The following ZNF185 variants were observed in gnomAD, a reference collection of about 807,000 sequenced individuals.
ZNF185 encodes the protein zinc finger protein 185 with LIM domain.
A neutral mutation model predicts 58.6 loss-of-function variants in ZNF185; 56 were observed. That is an observed-to-expected ratio of 0.95 (90% CI 0.77 to 1.19). ZNF185 has a LOEUF of 1.19. Among genes scored for constraint, ZNF185 ranks in the 50% most tolerant of loss-of-function variants. The probability of loss-of-function intolerance (pLI) is 0.00; values close to 1 mark genes in which losing one functional copy is unlikely to be tolerated. For synonymous variants in ZNF185, 230 were observed against 215.9 expected, an observed-to-expected ratio of 1.07 and a Z score of -0.57; for missense variants, 627 against 573.5, an observed-to-expected ratio of 1.09 and a Z score of -0.95.
chrX:152,903,998 A>G, the ZNF185 span, among the ~76,000 whole-genome samples: 1 of 112,462 alleles, frequency 8.9e-6, no homozygotes, highest in African/African-American at 3.2e-5. Flanking sequence ...TTCATGCAGA[A>G]GTCATTTACC....
intron 16 of ZNF185, among the ~76,000 whole-genome samples, chrX:152,954,803 G>A (rs2048655067): frequency 1.8e-5 from 2 of 112,024 alleles, no homozygotes; most frequent in Non-Finnish European, 3.8e-5. Context: ...GGTGCAGGAC[G>A]CAGGTACATG....
chrX:152,920,708 A>T (rs1212789229), exon 9 of ZNF185: 1 of 1,210,755 alleles, frequency 8.3e-7, no homozygotes, highest in Non-Finnish European at 1.1e-6. Context: ...CCTTTCCAGC[A>T]GTCCTACCCA....
the ZNF185 span, among the ~76,000 whole-genome samples, chrX:152,901,496 G>T: frequency 9.2e-6 from 1 of 109,113 alleles, no homozygotes. Context: ...TGTACGAATC[G>T]TGCAGAGAAC....
At chrX:152,971,814 A>G (rs1315234504) in exon 23 of ZNF185, 3 of 112,425 alleles carry the variant, frequency 2.7e-5, no homozygotes, top group Non-Finnish European at 5.6e-5. Context: ...ATTGAGTTAT[A>G]TAGCAGTTTT....
intron 11 of ZNF185, among the ~76,000 whole-genome samples, chrX:152,925,130 A>AAAAAAAT (rs1198705832): frequency 8.9e-6 from 1 of 111,908 alleles, no homozygotes; most frequent in Non-Finnish European, 1.9e-5. Context: ...CCATCTCTAC[A>AAAAAAAT]AAAAAATAAA....
intron 15 of ZNF185, among the ~76,000 whole-genome samples, chrX:152,938,514 G>C (rs782279195): frequency 5.6e-4 from 63 of 111,931 alleles, no homozygotes; most frequent in African/African-American, 2.0e-3. Context: ...GGCTGGTCCA[G>C]ATTAGAGCAA....
chrX:152,937,601 C>T (rs1278541382), intron 14 of ZNF185, among the ~76,000 whole-genome samples: 1 of 111,968 alleles, frequency 8.9e-6, no homozygotes, highest in African/African-American at 3.3e-5. Flanking sequence ...AGACATGTCC[C>T]CCATACACAG....
intron 17 of ZNF185, among the ~76,000 whole-genome samples, chrX:152,961,494 T>A (rs1434750152): frequency 9.0e-6 from 1 of 111,544 alleles, no homozygotes; most frequent in Non-Finnish European, 1.9e-5. Flanking sequence ...GCACGTGTCT[T>A]TTGAGAGCTC....
At chrX:152,900,013 G>A in the ZNF185 span, among the ~76,000 whole-genome samples, 73 of 111,834 alleles carry the variant, frequency 6.5e-4, 1 homozygote, top group East Asian at 0.02. Flanking sequence ...TGGCAGCAGT[G>A]CTTGTCCACC....
the ZNF185 span, among the ~76,000 whole-genome samples, chrX:152,904,377 G>A: frequency 1.8e-5 from 2 of 112,657 alleles, no homozygotes; most frequent in African/African-American, 6.4e-5. Flanking sequence ...CTGCAGCGGT[G>A]CCTGTGGCGG....
At chrX:152,960,754 T>C (rs2049375571) in intron 17 of ZNF185, among the ~76,000 whole-genome samples, 1 of 112,705 alleles carries the variant, frequency 8.9e-6, no homozygotes, top group African/African-American at 3.2e-5. Flanking sequence ...TTTCCAAAAA[T>C]CCATGGAAAA....
exon 1 of ZNF185, chrX:152,914,462 G>C (rs6526140): frequency 0.28 from 322,024 of 1,157,152 alleles, 33,684 homozygotes; most frequent in African/African-American, 0.34. Flanking sequence ...GCTGAATCAA[G>C]TGAGAGGAGA....
intron 7 of ZNF185, among the ~76,000 whole-genome samples, chrX:152,919,452 A>ATCTGCATGCCTTGGGGGT (rs1381737807): frequency 2.7e-5 from 3 of 111,510 alleles, no homozygotes; most frequent in African/African-American, 9.8e-5. Flanking sequence ...TATCTGCATG[A>ATCTGCATGCCTTGGGGGT]TCTGCATGCC....
the ZNF185 span, among the ~76,000 whole-genome samples, chrX:152,904,688 A>G: frequency 3.6e-5 from 4 of 112,021 alleles, no homozygotes; most frequent in South Asian, 1.5e-3. Context: ...TCCTGACTTT[A>G]TAATTCCTCA....
intron 15 of ZNF185, among the ~76,000 whole-genome samples, chrX:152,944,329 C>T (rs180703795): frequency 5.7e-4 from 64 of 112,313 alleles, no homozygotes; most frequent in African/African-American, 1.8e-3. Flanking sequence ...GTTCTTGTCT[C>T]GGGGTAGCCC....
the ZNF185 span, among the ~76,000 whole-genome samples, chrX:152,903,318 G>A: frequency 9.7e-6 from 1 of 102,847 alleles, no homozygotes; most frequent in Non-Finnish European, 2.0e-5. Context: ...GAACCTGGGA[G>A]GTGGAGGTTG....
intron 16 of ZNF185, among the ~76,000 whole-genome samples, chrX:152,951,408 T>C (rs2048304378): frequency 8.9e-6 from 1 of 112,537 alleles, no homozygotes; most frequent in South Asian, 3.6e-4. Context: ...GAACATTTTC[T>C]AATTTTAAAG....
chrX:152,919,203 G>A (rs1438972725), intron 7 of ZNF185, 122 bp downstream of exon 8: 8 of 530,369 alleles, frequency 1.5e-5, no homozygotes, highest in South Asian at 5.9e-5. Context: ...GGCCATCAGC[G>A]GTAGCCCACG....
chrX:152,941,580 C>T (rs2047188439), intron 15 of ZNF185: 1 of 1,039,199 alleles, frequency 9.6e-7, no homozygotes, highest in South Asian at 2.5e-5. Context: ...GCGTACGCGA[C>T]GCGTGCGCGC....
Sources: allele counts gnomAD v4.1 joint callset (sites outside exome capture counted in the v4.1 genomes callset), GRCh38; gene constraint gnomAD v4.1.1; transcripts MANE v1.5; gene names NCBI Gene and HGNC (gene_info 2026-07-23, HGNC 2026-07-21).